The following COL4A5 variants were observed in gnomAD, a reference collection of about 807,000 sequenced individuals.
The protein encoded by COL4A5 is collagen type IV alpha 5 chain, also known as collagen alpha-5(IV) chain.
A neutral mutation model predicts 130.2 loss-of-function variants in COL4A5; 26 were observed. The observed-to-expected ratio is 0.20, with a 90% CI of 0.15 to 0.28. COL4A5 has a LOEUF of 0.28. Ranked by LOEUF, COL4A5 falls within the 10% of genes least tolerant of loss-of-function variation. The pLI, the probability that COL4A5 is intolerant of heterozygous loss-of-function variation, is 1.00. For missense variants in COL4A5, 1,131 were observed against 1,344.3 expected (o/e 0.84, Z 2.48); for synonymous variants, 496 against 439.6 (o/e 1.13, Z -1.60).
At chrX:108,625,826 C>G (rs946658439) in intron 35 of COL4A5, 32 bp downstream of exon 35, 7 of 1,033,371 alleles carry the variant, frequency 6.8e-6, no homozygotes, top group East Asian at 6.1e-5. Flanking sequence ...AATATTTAGT[C>G]CCATTAATGA....
chrX:108,472,011 T>A (rs765091802), intron 1 of COL4A5, among the ~76,000 whole-genome samples: 2 of 111,723 alleles, frequency 1.8e-5, no homozygotes, highest in African/African-American at 3.2e-5. Context: ...CTTCACTACA[T>A]CCCATAATTT....
intron 36 of COL4A5, among the ~76,000 whole-genome samples, chrX:108,632,311 C>T (rs894427737): frequency 1.8e-5 from 2 of 110,392 alleles, no homozygotes; most frequent in South Asian, 4.1e-4. Flanking sequence ...AGGCCAATAA[C>T]AGGCTCTGAA....
chrX:108,681,769 G>A lies in COL4A5; in HGVS notation c.4097G>A (p.Gly1366Glu). ...PGLIGPPGPP[G>E]LPGPSGQSII... ...GTGTTTTGTCTCATAGGTCCTCCTG[G>A]ATTACCTGGTCCTTCAGGACAGAGT... Residue 1366 changes from glycine to glutamate, a missense_variant, in exon 47 of 53, where the codon GGA (glycine) becomes GAA (glutamate). Coordinates refer to ENST00000328300, the MANE Select transcript of COL4A5 (RefSeq NM_033380.3). The A allele has an allele frequency of 8.3e-7, 1 of 1,208,028 alleles. No homozygotes were observed. The highest frequency in any genetic ancestry group is 1.1e-6 in the Non-Finnish European group (1 of 892,967).
intron 2 of COL4A5, among the ~76,000 whole-genome samples, chrX:108,552,459 A>G (rs2065766899): frequency 8.9e-6 from 1 of 111,924 alleles, no homozygotes; most frequent in Non-Finnish European, 1.9e-5. Flanking sequence ...TGTTATGAAC[A>G]TTTGAAAAAA....
intron 47 of COL4A5, among the ~76,000 whole-genome samples, chrX:108,684,839 A>G (rs1470929177): frequency 6.2e-5 from 7 of 112,641 alleles, no homozygotes; most frequent in African/African-American, 2.3e-4. Context: ...ATGAACATCA[A>G]TGCGAAAATC....
intron 37 of COL4A5, among the ~76,000 whole-genome samples, chrX:108,660,716 T>C (rs773145782): frequency 1.8e-5 from 2 of 111,899 alleles, no homozygotes; most frequent in South Asian, 7.3e-4. Flanking sequence ...TAGTTATGGT[T>C]GTATTTATTT....
chrX:108,547,669 T>C (rs770440292), intron 2 of COL4A5, among the ~76,000 whole-genome samples: 11 of 112,048 alleles, frequency 9.8e-5, no homozygotes, highest in Non-Finnish European at 2.1e-4. Flanking sequence ...TGCAGAGGTT[T>C]CTGCTGCCTT....
intron 36 of COL4A5, among the ~76,000 whole-genome samples, chrX:108,635,885 C>G (rs2067342446): frequency 8.9e-6 from 1 of 112,197 alleles, no homozygotes; most frequent in African/African-American, 3.2e-5. Context: ...AGCAGAAAAC[C>G]AAATAGCACA....
intron 31 of COL4A5, 61 bp downstream of exon 31, chrX:108,620,487 G>C: frequency 1.1e-6 from 1 of 950,802 alleles, no homozygotes; most frequent in African/African-American, 1.9e-5. Flanking sequence ...TACGACTCTG[G>C]TAGATAATTC....
Position 108,484,921 on chromosome X carries a change from A to G in COL4A5, c.81+44715A>G, listed in dbSNP as rs549930324. On this transcript the variant is annotated intron_variant, in intron 1 of 52. Coordinates refer to ENST00000328300, the MANE Select transcript of COL4A5 (RefSeq NM_033380.3). ...CCAGGCCCCAAGCAAGTCCAGAGATACTGTCAGGGAGCTAGGGACTGGAAT... is the reference window on the plus strand; with the variant it reads ...CCAGGCCCCAAGCAAGTCCAGAGATGCTGTCAGGGAGCTAGGGACTGGAAT... 3.2e-4 allele frequency among the ~76,000 whole-genome samples: 36 copies of G among 112,428 alleles called. No homozygotes were observed. The South Asian group carries it at 0.013, about 41-fold the overall frequency.
At chrX:108,532,725 CAGT>C (rs1392136104) in intron 1 of COL4A5, among the ~76,000 whole-genome samples, 4 of 111,397 alleles carry the variant, frequency 3.6e-5, no homozygotes, top group African/African-American at 9.8e-5. Context: ...GTACAAGAAT[CAGT>C]AGCCTTTCTA....
intron 2 of COL4A5, among the ~76,000 whole-genome samples, chrX:108,551,928 C>T (rs1187272826): frequency 2.7e-5 from 3 of 112,059 alleles, no homozygotes; most frequent in African/African-American, 9.7e-5. Flanking sequence ...CAACTGGAAG[C>T]CATTATCCTT....
chrX:108,518,989 C>T (rs1243856223), intron 1 of COL4A5, among the ~76,000 whole-genome samples: 3 of 111,762 alleles, frequency 2.7e-5, no homozygotes, highest in African/African-American at 9.7e-5. Context: ...GAAAACGATT[C>T]TAGCTCTGGC....
intron 28 of COL4A5, 152 bp from the exon 29 acceptor site, chrX:108,606,590 A>G: frequency 1.7e-6 from 1 of 586,227 alleles, no homozygotes; most frequent in East Asian, 3.5e-5. Context: ...TCTCCAACAT[A>G]CCAATTACTT....
intron 18 of COL4A5, among the ~76,000 whole-genome samples, chrX:108,584,925 G>T (rs1032768091): frequency 1.8e-5 from 2 of 111,176 alleles, no homozygotes. Context: ...GAGCTCAGGA[G>T]AAAGATAGAT....
intron 43 of COL4A5, chrX:108,677,159 C>T (rs1171329626): frequency 8.5e-6 from 1 of 117,433 alleles, no homozygotes; most frequent in Non-Finnish European, 1.8e-5. Flanking sequence ...TGAGAAAATA[C>T]CCTACAGTTT....
chrX:108,695,229 C>G, intron 51 of COL4A5, 38 bp from the exon 52 acceptor site: 2 of 1,204,754 alleles, frequency 1.7e-6, no homozygotes, highest in Non-Finnish European at 2.2e-6. Flanking sequence ...TATTATGGCA[C>G]ATGGGTATTG....
intron 1 of COL4A5, among the ~76,000 whole-genome samples, chrX:108,503,293 C>A (rs2065097634): frequency 9.0e-6 from 1 of 111,598 alleles, no homozygotes; most frequent in South Asian, 3.8e-4. Flanking sequence ...TATTCTTGGC[C>A]AATATCATAC....
chrX:108,666,633 C>A (rs1236650669), intron 39 of COL4A5, 39 bp downstream of exon 39: 2 of 1,084,051 alleles, frequency 1.8e-6, no homozygotes, highest in East Asian at 3.2e-5. Flanking sequence ...TTCTAATTTT[C>A]TCTGTGTTGA....
Sources: allele counts gnomAD v4.1 joint callset (sites outside exome capture counted in the v4.1 genomes callset), GRCh38; gene constraint gnomAD v4.1.1; transcripts MANE v1.5; gene names NCBI Gene and HGNC (gene_info 2026-07-23, HGNC 2026-07-21).